Variants in GRM5 observed in about 807,000 individuals in gnomAD.
GRM5 encodes the protein metabotropic glutamate receptor 5.
A neutral mutation model predicts 83.1 loss-of-function variants in GRM5; 19 were observed. The observed-to-expected ratio is 0.23, with a 90% CI of 0.16 to 0.34. GRM5 has a LOEUF of 0.34. GRM5 is among the 10% of genes least tolerant of loss of function. The pLI is 1.00. For missense variants in GRM5, 1,160 were observed against 1,588.3 expected (o/e 0.73, Z 4.58); for synonymous variants, 675 against 633.6 (o/e 1.07, Z -0.98).
At chr11:88,912,328 A>G (rs1191480856) in intron 2 of GRM5, among the ~76,000 whole-genome samples, 1 of 151,756 alleles carries the variant, frequency 6.6e-6, no homozygotes, top group Non-Finnish European at 1.5e-5. Context: ...GGGCTGACTT[A>G]TCCTAAGGAA....
chr11:88,616,946 A>G (rs1342608970), intron 4 of GRM5, among the ~76,000 whole-genome samples: 2 of 152,144 alleles, frequency 1.3e-5, no homozygotes, highest in African/African-American at 4.8e-5. Context: ...CCTTGTATCT[A>G]GCATAGCACC....
chr11:88,558,320 G>C (rs972838845), intron 8 of GRM5, among the ~76,000 whole-genome samples: 3 of 152,002 alleles, frequency 2.0e-5, no homozygotes, highest in African/African-American at 7.2e-5. Flanking sequence ...CCCCACATTC[G>C]AAACAACAAT....
At chr11:88,627,425 G>C (rs1207185979) in intron 4 of GRM5, among the ~76,000 whole-genome samples, 1 of 152,108 alleles carries the variant, frequency 6.6e-6, no homozygotes, top group Non-Finnish European at 1.5e-5. Context: ...GTTACTATCT[G>C]AAAGATGCAC....
intron 2 of GRM5, among the ~76,000 whole-genome samples, chr11:88,909,365 T>G (rs562197695): frequency 1.3e-5 from 2 of 151,932 alleles, no homozygotes; most frequent in Admixed American, 1.3e-4. Flanking sequence ...AGGTAAAAAG[T>G]GTCTCCAGAC....
intron 2 of GRM5, among the ~76,000 whole-genome samples, chr11:88,895,157 T>C (rs1945211015): frequency 6.6e-6 from 1 of 152,014 alleles, no homozygotes; most frequent in African/African-American, 2.4e-5. Context: ...AGAAAATAAC[T>C]AAAAAAGTAA....
chr11:88,971,310 G>A (rs752912136), intron 2 of GRM5, among the ~76,000 whole-genome samples: 2 of 151,764 alleles, frequency 1.3e-5, no homozygotes, highest in African/African-American at 2.4e-5. Flanking sequence ...TAGGTTCACC[G>A]GCACATGTGC....
At chr11:88,547,431 G>T (rs571806338) in intron 8 of GRM5, among the ~76,000 whole-genome samples, 13 of 152,112 alleles carry the variant, frequency 8.5e-5, no homozygotes, top group Non-Finnish European at 1.8e-4. Flanking sequence ...TGACCTTAGG[G>T]AATACCCTCA....
chr11:88,700,889 T>C (rs1941017708), intron 3 of GRM5, among the ~76,000 whole-genome samples: 1 of 152,098 alleles, frequency 6.6e-6, no homozygotes, highest in Non-Finnish European at 1.5e-5. Context: ...TTTTATAAGA[T>C]GAAATAAACA....
At chr11:88,975,460 A>T (rs2135012701) in intron 2 of GRM5, among the ~76,000 whole-genome samples, 1 of 152,314 alleles carries the variant, frequency 6.6e-6, no homozygotes, top group Non-Finnish European at 1.5e-5. Context: ...GTTTGAAAGG[A>T]TGCCAGGGAG....
At chr11:89,055,549 T>C (rs1941854274) in intron 1 of GRM5, among the ~76,000 whole-genome samples, 1 of 152,046 alleles carries the variant, frequency 6.6e-6, no homozygotes, top group African/African-American at 2.4e-5. Flanking sequence ...CTGAGATCCA[T>C]GGAAAGCAAA....
chr11:88,532,729 C>G (rs1337148128), intron 8 of GRM5, among the ~76,000 whole-genome samples: 2 of 152,030 alleles, frequency 1.3e-5, no homozygotes, highest in South Asian at 2.1e-4. Flanking sequence ...TAAATACAAA[C>G]TGAAGACATT....
chr11:88,844,254 T>A (rs1944257927), intron 3 of GRM5, among the ~76,000 whole-genome samples: 1 of 152,078 alleles, frequency 6.6e-6, no homozygotes, highest in Non-Finnish European at 1.5e-5. Flanking sequence ...TTATGTTACA[T>A]GTATTACTGT....
At chr11:88,765,954 T>C (rs1350028800) in intron 3 of GRM5, among the ~76,000 whole-genome samples, 1 of 151,742 alleles carries the variant, frequency 6.6e-6, no homozygotes, top group South Asian at 2.1e-4. Flanking sequence ...ATAAGGGACT[T>C]ATATCCAGAA....
chr11:88,649,993 G>A (rs1205667371), intron 4 of GRM5, among the ~76,000 whole-genome samples: 1 of 151,698 alleles, frequency 6.6e-6, no homozygotes, highest in Non-Finnish European at 1.5e-5. Context: ...AAATTCTGAA[G>A]GGGTATATAG....
chr11:88,812,280 CA>C (rs1443607113), intron 3 of GRM5, among the ~76,000 whole-genome samples: 2 of 120,382 alleles, frequency 1.7e-5, no homozygotes, highest in Non-Finnish European at 1.6e-5. Context: ...AAGAGGCCCC[CA>C]AAAATTGAGA....
chr11:88,795,449 TACTC>T (rs1377958574), intron 3 of GRM5, among the ~76,000 whole-genome samples: 1 of 152,174 alleles, frequency 6.6e-6, no homozygotes, highest in African/African-American at 2.4e-5. Context: ...TGAACAAAGA[TACTC>T]TACTAGGATG....
chr11:88,514,921 T>A (rs780221038), intron 9 of GRM5, among the ~76,000 whole-genome samples: 5 of 152,182 alleles, frequency 3.3e-5, no homozygotes, highest in Non-Finnish European at 7.3e-5. Flanking sequence ...TGACGTGGAT[T>A]TTCACCTCTC....
At chr11:88,524,509 C>T (rs751995931) in intron 9 of GRM5, among the ~76,000 whole-genome samples, 35 of 151,156 alleles carry the variant, frequency 2.3e-4, no homozygotes, top group Non-Finnish European at 4.3e-4. Context: ...TGAGCCAATG[C>T]GCCCGGCCCC....
intron 3 of GRM5, among the ~76,000 whole-genome samples, chr11:88,661,200 C>G (rs1013356964): frequency 6.6e-6 from 1 of 152,110 alleles, no homozygotes; most frequent in Admixed American, 6.6e-5. Context: ...TTATAATGCT[C>G]AGTACATACC....
Sources: allele counts gnomAD v4.1 joint callset (sites outside exome capture counted in the v4.1 genomes callset), GRCh38; gene constraint gnomAD v4.1.1; transcripts MANE v1.5; gene names NCBI Gene and HGNC (gene_info 2026-07-23, HGNC 2026-07-21).